The following CHRDL1 variants were observed in gnomAD, a reference collection of about 807,000 sequenced individuals.
CHRDL1 encodes the protein chordin-like protein 1.
CHRDL1 carries 19 observed loss-of-function variants against 40.9 expected under a neutral mutation model. That is an observed-to-expected ratio of 0.46 (90% confidence interval 0.32 to 0.68). The LOEUF is 0.68. Among genes scored for constraint, CHRDL1 ranks in the 30% least tolerant of loss-of-function variants. CHRDL1 has a pLI of 0.03. For synonymous variants in CHRDL1, 136 were observed against 123.4 expected (o/e 1.10, Z -0.68); for missense variants, 329 against 352.1 (o/e 0.93, Z 0.53).
At position 110,679,346 on chromosome X, in the gene CHRDL1, T is replaced by C; in HGVS notation, c.1236A>G (p.Arg412=). 8.4e-7 allele frequency: 1 copy of C among 1,195,551 alleles called. No individual in the cohort carries two copies. Among genetic ancestry groups the C allele is most frequent in the Non-Finnish European group, 1.1e-6 (1 of 880,612 alleles). ...EELPHFKLVT[R]TTLSQWKIFT... ...AGAAGTACTACTTACTCAGGGTTGT[T>C]CTGGTCACCAGCTTGAAGTGAGGAA... is the stretch of plus-strand genomic sequence containing the variant. Residue 412 remains arginine, a synonymous_variant, in exon 11 of 12, where the codon AGA becomes AGG. Transcript: ENST00000372042.
Position 110,681,476 on chromosome X carries a change from G to C in CHRDL1, c.1156+6C>G. 1.7e-6 allele frequency: 2 copies of C among 1,198,596 alleles called. No homozygotes were observed. The highest frequency in any genetic ancestry group is 2.3e-6 in the Non-Finnish European group (2 of 885,359). On this transcript the variant is annotated splice_donor_region_variant and intron_variant, in intron 10 of 11. Coordinates refer to ENST00000372042, the MANE Select transcript of CHRDL1 (RefSeq NM_001143981.2). ...AAAGATGAGAAATTAATGTTGTCTT[G>C]CTCACCCTTTCGAATAGTCCAAACG...
chrX:110,679,213 T>C (rs2069843520), intron 11 of CHRDL1, 123 bp downstream of exon 11: 2 of 522,408 alleles, frequency 3.8e-6, no homozygotes, highest in South Asian at 5.9e-5. Flanking sequence ...TGGAACATCC[T>C]TTAGTGTTGA....
chrX:110,757,424 A>G (rs1407688429), intron 4 of CHRDL1, among the ~76,000 whole-genome samples: 1 of 111,644 alleles, frequency 9.0e-6, no homozygotes, highest in Non-Finnish European at 1.9e-5. Flanking sequence ...AAATAGCAGA[A>G]TTCTTAACCA....
intron 8 of CHRDL1, 56 bp downstream of exon 8, chrX:110,694,107 G>T: frequency 1.0e-6 from 1 of 993,346 alleles, no homozygotes; most frequent in Non-Finnish European, 1.4e-6. Context: ...GCCCTGCAAA[G>T]ACCAGGGCTG....
intron 6 of CHRDL1, among the ~76,000 whole-genome samples, chrX:110,702,147 C>T (rs1010832902): frequency 1.8e-5 from 2 of 111,273 alleles, no homozygotes; most frequent in African/African-American, 6.5e-5. Flanking sequence ...TCTACAATCA[C>T]CCCCTACTGC....
chrX:110,744,551 C>A (rs1386040100), intron 4 of CHRDL1, among the ~76,000 whole-genome samples: 3 of 111,738 alleles, frequency 2.7e-5, no homozygotes, highest in African/African-American at 9.7e-5. Context: ...CAGCTTTCTA[C>A]CTGCCATGTG....
chrX:110,728,548 T>C (rs1448421608), intron 4 of CHRDL1, among the ~76,000 whole-genome samples: 1 of 111,664 alleles, frequency 9.0e-6, no homozygotes, highest in Non-Finnish European at 1.9e-5. Flanking sequence ...CTTATTCCAA[T>C]AATGGGTTCT....
Position 110,676,060 on chromosome X carries a change from G to T in CHRDL1, c.*171C>A. ...GTCTCTTTGGAGGAGATGTTCAAGG[G>T]CTGACACACCACTCCACACAAAGGA... On this transcript the variant is annotated 3_prime_UTR_variant, in exon 12 of 12. Transcript: ENST00000372042. 2.4e-6 allele frequency: 1 copy of T among 412,142 alleles called. No homozygotes were observed. Among genetic ancestry groups the T allele is most frequent in the Non-Finnish European group, 4.1e-6 (1 of 242,572 alleles). The allele number at this position is 412,142 out of a possible 1,213,427, so 34.0% of individuals were successfully genotyped here. A position where few individuals can be genotyped will look rare whatever the true frequency, so the allele number is the denominator to read the frequency against.
chrX:110,721,260 G>A, intron 5 of CHRDL1, 125 bp downstream of exon 5: 3 of 687,819 alleles, frequency 4.4e-6, no homozygotes, highest in South Asian at 2.5e-5. Flanking sequence ...GGAGGCTTAT[G>A]ATTTAATGCA....
rs73528216 is a variant in CHRDL1 at position 110,710,681 on chromosome X, G to A, written c.541+9154C>T. Among the ~76,000 whole-genome samples, 518 of 111,737 alleles carry A rather than the reference G, an allele frequency of 4.6e-3. 6 individuals carry two copies. The highest frequency in any genetic ancestry group is 0.016 in the African/African-American group (478 of 30,775). ...CCTGGGACAGTCAGCAAGTACGTGGGGATGAATTTTGAGCACAAGAGATGG... is the reference window on the plus strand; with the variant it reads ...CCTGGGACAGTCAGCAAGTACGTGGAGATGAATTTTGAGCACAAGAGATGG... On this transcript the variant is annotated intron_variant, in intron 6 of 11. Transcript: ENST00000372042.
At chrX:110,691,839 GCTGACACCTCAA>G (rs768431765) in intron 8 of CHRDL1, among the ~76,000 whole-genome samples, 61 of 111,254 alleles carry the variant, frequency 5.5e-4, no homozygotes, top group African/African-American at 2.0e-3. Context: ...AAAATGGAGA[GCTGACACCTCAA>G]CTGTGAGGTC....
intron 6 of CHRDL1, among the ~76,000 whole-genome samples, chrX:110,706,430 C>A (rs2070641130): frequency 8.9e-6 from 1 of 111,836 alleles, no homozygotes; most frequent in South Asian, 3.7e-4. Context: ...TTTATTCAAA[C>A]CTCAGTCATA....
At chrX:110,788,863 C>T (rs2090055695) in intron 2 of CHRDL1, among the ~76,000 whole-genome samples, 1 of 111,178 alleles carries the variant, frequency 9.0e-6, no homozygotes, top group African/African-American at 3.3e-5. Flanking sequence ...GCATACCATA[C>T]AGGAATATAA....
At chrX:110,684,537 C>T (rs983483309) in intron 9 of CHRDL1, among the ~76,000 whole-genome samples, 2 of 112,086 alleles carry the variant, frequency 1.8e-5, no homozygotes, top group Non-Finnish European at 3.8e-5. Context: ...CATTCACTCT[C>T]TCTTGATCCT....
chrX:110,783,251 C>A (rs1178964240), intron 2 of CHRDL1, among the ~76,000 whole-genome samples: 1 of 111,893 alleles, frequency 8.9e-6, no homozygotes, highest in East Asian at 2.8e-4. Context: ...CCTCAGCATC[C>A]CGAGTAGCTG....
At chrX:110,699,904 G>C (rs1343841864) in intron 7 of CHRDL1, among the ~76,000 whole-genome samples, 1 of 112,218 alleles carries the variant, frequency 8.9e-6, no homozygotes, top group Non-Finnish European at 1.9e-5. Context: ...TTTTGTACAA[G>C]GATGTGATGA....
At chrX:110,741,489 AGCACAGT>A in intron 4 of CHRDL1, among the ~76,000 whole-genome samples, 1 of 111,005 alleles carries the variant, frequency 9.0e-6, no homozygotes, top group Middle Eastern at 4.7e-3. Context: ...CCCTGAACTC[AGCACAGT>A]GCAAGCAGGC....
intron 4 of CHRDL1, among the ~76,000 whole-genome samples, chrX:110,750,907 C>T (rs1333320085): frequency 8.9e-6 from 1 of 111,809 alleles, no homozygotes; most frequent in Non-Finnish European, 1.9e-5. Context: ...TGTCTATGTG[C>T]TCCATTATCA....
intron 6 of CHRDL1, among the ~76,000 whole-genome samples, chrX:110,714,681 G>A (rs943500562): frequency 1.8e-5 from 2 of 111,526 alleles, no homozygotes; most frequent in Non-Finnish European, 3.8e-5. Flanking sequence ...TTCAATCCGC[G>A]TCTAGGATTG....
Sources: gnomAD v4.1 joint callset for allele counts (sites outside exome capture counted in the v4.1 genomes callset) on GRCh38, gnomAD v4.1.1 for gene constraint, MANE v1.5 for transcripts, NCBI Gene and HGNC (gene_info 2026-07-23, HGNC 2026-07-21) for gene names.